The following EXOC2 variants were observed in gnomAD, a reference collection of about 807,000 sequenced individuals.
EXOC2 encodes the protein exocyst complex component 2.
EXOC2 carries 70 observed loss-of-function variants against 131.8 expected under a neutral mutation model. The ratio of observed to expected loss-of-function variants is 0.53; its 90% CI spans 0.44 to 0.65. EXOC2 has a LOEUF of 0.65. EXOC2 is among the 30% of genes least tolerant of loss of function. The probability of loss-of-function intolerance (pLI) is 0.00; values close to 1 mark genes in which losing one functional copy is unlikely to be tolerated. For missense variants in EXOC2, 923 were observed against 1,108.6 expected (o/e 0.83, Z 2.38); for synonymous variants, 411 against 398.4 (o/e 1.03, Z -0.38).
At chr6:601,104 A>C (rs1025603855) in intron 7 of EXOC2, among the ~76,000 whole-genome samples, 1 of 152,224 alleles carries the variant, frequency 6.6e-6, no homozygotes, top group Non-Finnish European at 1.5e-5. Flanking sequence ...AGAAAACAAA[A>C]CTATTGAAGA....
intron 26 of EXOC2, 106 bp from the exon 27 acceptor site, chr6:489,144 G>A: frequency 9.6e-7 from 1 of 1,042,534 alleles, no homozygotes; most frequent in Non-Finnish European, 1.4e-6. Flanking sequence ...AGCCAGTGAA[G>A]CAAGGAAATA....
At chr6:574,052 A>G (rs1374387089) in intron 12 of EXOC2, among the ~76,000 whole-genome samples, 1 of 152,238 alleles carries the variant, frequency 6.6e-6, no homozygotes, top group Non-Finnish European at 1.5e-5. Flanking sequence ...AACGTAAGGC[A>G]AAGGCTTCCT....
intron 12 of EXOC2, among the ~76,000 whole-genome samples, 191 bp downstream of exon 12, chr6:576,566 A>G (rs1002677023): frequency 1.3e-5 from 2 of 152,218 alleles, no homozygotes; most frequent in African/African-American, 4.8e-5. Context: ...ATCAAATAGC[A>G]TTCCTTTAAA....
chr6:625,430 G>A (rs1311995463), intron 4 of EXOC2, among the ~76,000 whole-genome samples: 3 of 151,976 alleles, frequency 2.0e-5, no homozygotes, highest in African/African-American at 7.3e-5. Context: ...TTCTTTGTGT[G>A]CATGCTACAC....
intron 13 of EXOC2, among the ~76,000 whole-genome samples, chr6:567,672 T>C (rs1460982126): frequency 6.6e-6 from 1 of 152,040 alleles, no homozygotes; most frequent in Non-Finnish European, 1.5e-5. Context: ...TGATGTGTTG[T>C]GTGTCTGTTG....
intron 23 of EXOC2, among the ~76,000 whole-genome samples, chr6:513,130 T>C (rs1313304046): frequency 6.6e-6 from 1 of 152,234 alleles, no homozygotes; most frequent in Non-Finnish European, 1.5e-5. Flanking sequence ...TTGGCGGGCA[T>C]AAACACTCAT....
chr6:494,793 T>G (rs182743246), intron 25 of EXOC2, among the ~76,000 whole-genome samples: 1 of 152,354 alleles, frequency 6.6e-6, no homozygotes, highest in East Asian at 1.9e-4. Context: ...TGTGGAATAG[T>G]ATTTGACTGT....
chr6:551,795 TG>T (rs1757158178), intron 21 of EXOC2, among the ~76,000 whole-genome samples: 1 of 152,242 alleles, frequency 6.6e-6, no homozygotes, highest in Non-Finnish European at 1.5e-5. Context: ...TTTGTTTAAA[TG>T]GGATTTTCCA....
chr6:582,762 T>TA (rs1168911225), intron 11 of EXOC2, among the ~76,000 whole-genome samples: 1 of 152,028 alleles, frequency 6.6e-6, no homozygotes, highest in Non-Finnish European at 1.5e-5. Context: ...TATGTATATA[T>TA]ATATAACATT....
chr6:556,479 C>T lies in EXOC2; in HGVS notation c.1932+5G>A. On this transcript the variant is annotated splice_donor_5th_base_variant and intron_variant, in intron 18 of 27. Coordinates refer to ENST00000230449, the MANE Select transcript of EXOC2 (RefSeq NM_018303.6). ...CTGGAGTCCAAGCGGAGCTGGAATACTTACACTGGCCTCTCCCGGCTTGCA... is the reference window on the plus strand; with the variant it reads ...CTGGAGTCCAAGCGGAGCTGGAATATTTACACTGGCCTCTCCCGGCTTGCA... 6.2e-7 allele frequency: 1 copy of T among 1,613,770 alleles called. No individual in the cohort carries two copies.
At chr6:593,029 CCAAA>C (rs767324664) in intron 10 of EXOC2, among the ~76,000 whole-genome samples, 25 of 151,974 alleles carry the variant, frequency 1.6e-4, no homozygotes, top group South Asian at 2.1e-4. Context: ...GACGCCATCT[CCAAA>C]CAAACAAACA....
chr6:626,866 T>C (rs1016889643), intron 4 of EXOC2, among the ~76,000 whole-genome samples: 1 of 152,250 alleles, frequency 6.6e-6, no homozygotes, highest in Non-Finnish European at 1.5e-5. Context: ...GTGCTGGGAT[T>C]ACAGGCGTGA....
intron 11 of EXOC2, among the ~76,000 whole-genome samples, chr6:581,459 T>C (rs921059858): frequency 1.3e-5 from 2 of 152,198 alleles, no homozygotes; most frequent in Admixed American, 6.5e-5. Context: ...TCTCTCAACA[T>C]TACCTGAGGA....
At chr6:665,878 A>G (rs921018387) in intron 1 of EXOC2, among the ~76,000 whole-genome samples, 1 of 152,210 alleles carries the variant, frequency 6.6e-6, no homozygotes, top group Non-Finnish European at 1.5e-5. Context: ...AGTCACCACT[A>G]AGAACTTAGT....
At chr6:540,047 G>T in intron 22 of EXOC2, among the ~76,000 whole-genome samples, 1 of 152,182 alleles carries the variant, frequency 6.6e-6, no homozygotes, top group Non-Finnish European at 1.5e-5. Flanking sequence ...ACCTGAAACA[G>T]AAGGACAGCC....
At position 499,537 on chromosome 6, in the gene EXOC2, C is replaced by A. The variant is rs1763925287; in HGVS notation, c.2436+108G>T. On this transcript the variant is annotated intron_variant, in intron 24 of 27. Coordinates refer to ENST00000230449, the MANE Select transcript of EXOC2 (RefSeq NM_018303.6). ...CTGTATCTTATTTATACCCAAGACACATTCTGAGGGAAAAAAAAGACCACC... is the reference window on the plus strand; with the variant it reads ...CTGTATCTTATTTATACCCAAGACAAATTCTGAGGGAAAAAAAAGACCACC... The A allele has an allele frequency of 1.0e-5, 9 of 889,414 alleles. No individual in the cohort carries two copies. In the East Asian group the frequency reaches 2.2e-4, roughly 22 times the overall value. The allele number at this position is 889,414 out of a possible 1,614,324, so 55.1% of individuals were successfully genotyped here. A position where few individuals can be genotyped will look rare whatever the true frequency, so the allele number is the denominator to read the frequency against.
At position 587,268 on chromosome 6, in the gene EXOC2, G is replaced by A. The variant is rs181941514; in HGVS notation, c.1192+5201C>T. ...TGTGTATTTTTTTTTTTTTTGAGAC[G>A]GAGTCTTGCTCTGTCGCCCAGGCTG... On this transcript the variant is annotated intron_variant, in intron 11 of 27. Coordinates refer to ENST00000230449, the MANE Select transcript of EXOC2 (RefSeq NM_018303.6). Among the ~76,000 whole-genome samples the A allele has an allele frequency of 6.6e-4, 98 of 148,450 alleles. 1 individual carries two copies. The highest frequency in any genetic ancestry group is 5.1e-3 in the East Asian group (26 of 5,074).
intron 22 of EXOC2, among the ~76,000 whole-genome samples, chr6:543,779 G>A (rs1306406877): frequency 6.6e-6 from 1 of 152,198 alleles, no homozygotes; most frequent in East Asian, 1.9e-4. Context: ...CTAAGTCAGG[G>A]AACACATAAA....
intron 21 of EXOC2, among the ~76,000 whole-genome samples, chr6:551,529 C>G (rs550282860): frequency 7.8e-4 from 119 of 152,282 alleles, no homozygotes; most frequent in Middle Eastern, 3.4e-3. Flanking sequence ...TGAGAGCTGC[C>G]GCGTCACAGG....
Sources: gnomAD v4.1 joint callset for allele counts (sites outside exome capture counted in the v4.1 genomes callset) on GRCh38, gnomAD v4.1.1 for gene constraint, MANE v1.5 for transcripts, NCBI Gene and HGNC (gene_info 2026-07-23, HGNC 2026-07-21) for gene names.